The following ZZEF1 variants were observed in gnomAD, a reference collection of about 807,000 sequenced individuals.
The protein encoded by ZZEF1 is zinc finger ZZ-type and EF-hand domain-containing protein 1.
Under a neutral mutation model 342.8 loss-of-function variants are expected in ZZEF1, and 157 were observed. The ratio of observed to expected loss-of-function variants is 0.46; its 90% CI spans 0.40 to 0.52. The LOEUF is 0.52. Ranked by LOEUF, ZZEF1 falls within the 20% of genes least tolerant of loss-of-function variation. The pLI is 0.00. For synonymous variants in ZZEF1, 1,505 were observed against 1,429.1 expected (o/e 1.05, Z -1.20); for missense variants, 3,480 against 3,725.6 (o/e 0.93, Z 1.72).
chr17:4,139,475 C>T (rs1430858169), intron 1 of ZZEF1, among the ~76,000 whole-genome samples: 1 of 152,190 alleles, frequency 6.6e-6, no homozygotes, highest in Non-Finnish European at 1.5e-5. Context: ...CTTCACAAGC[C>T]CTTCATCTTG....
chr17:4,132,495 A>G (rs562572979), intron 1 of ZZEF1, among the ~76,000 whole-genome samples: 124 of 151,824 alleles, frequency 8.2e-4, no homozygotes, highest in South Asian at 5.8e-3. Flanking sequence ...TCAGGGCATC[A>G]AGACCATCCT....
At chr17:4,090,586 C>T (rs940369038) in intron 12 of ZZEF1, 133 bp downstream of exon 12, 1 of 686,212 alleles carries the variant, frequency 1.5e-6, no homozygotes, top group Admixed American at 2.2e-5. Context: ...CTGTCTCTCC[C>T]ACAGAGTATG....
chr17:4,092,003 G>C (rs1378492127), intron 11 of ZZEF1, among the ~76,000 whole-genome samples: 1 of 151,556 alleles, frequency 6.6e-6, no homozygotes, highest in East Asian at 1.9e-4. Flanking sequence ...TTGAACCCAG[G>C]AGGCGGAGGT....
At chr17:4,046,576 C>A (rs142414745) in intron 37 of ZZEF1, among the ~76,000 whole-genome samples, 40 of 152,282 alleles carry the variant, frequency 2.6e-4, no homozygotes, top group African/African-American at 7.0e-4. Context: ...GCATATGTAA[C>A]CTCAATATCA....
chr17:4,033,934 C>T, intron 40 of ZZEF1, 81 bp downstream of exon 40: 1 of 1,549,972 alleles, frequency 6.5e-7, no homozygotes, highest in Non-Finnish European at 8.8e-7. Flanking sequence ...AATTAATCAA[C>T]AGCCAGACCT....
chr17:4,030,527 C>T (rs1011376251), intron 42 of ZZEF1, among the ~76,000 whole-genome samples: 2 of 152,170 alleles, frequency 1.3e-5, no homozygotes, highest in Non-Finnish European at 2.9e-5. Context: ...ATCAAAATCC[C>T]AGAAGGCCAT....
At chr17:4,104,137 A>G (rs1214286335) in intron 8 of ZZEF1, among the ~76,000 whole-genome samples, 1 of 152,140 alleles carries the variant, frequency 6.6e-6, no homozygotes, top group Non-Finnish European at 1.5e-5. Context: ...TGCTAGGCCC[A>G]AGGGGGGAAA....
chr17:4,012,543 T>C (rs764101618), intron 52 of ZZEF1, among the ~76,000 whole-genome samples: 59 of 151,672 alleles, frequency 3.9e-4, no homozygotes, highest in Non-Finnish European at 7.2e-4. Context: ...GCAAGGAGGG[T>C]GGGGGCCAGG....
Position 4,008,466 on chromosome 17 carries a change from T to A in ZZEF1, c.8805+417A>T. The A allele has an allele frequency of 1.1e-6, 1 of 951,290 alleles. No homozygotes were observed. Among genetic ancestry groups the A allele is most frequent in the South Asian group, 4.7e-5 (1 of 21,406 alleles). The allele number at this position is 951,290 out of a possible 1,614,324, so 58.9% of individuals were successfully genotyped here. On this transcript the variant is annotated intron_variant, in intron 54 of 54. Coordinates refer to ENST00000381638, the MANE Select transcript of ZZEF1 (RefSeq NM_015113.4). This position sits in a 1 kb window ranked among gnomAD's most constrained non-coding sequence, Gnocchi z 4.2. ...TATGGATATATGCATAATAGACATATCCAAAAGCTTTCTGAGCTCCTCAGT... is the reference window on the plus strand; with the variant it reads ...TATGGATATATGCATAATAGACATAACCAAAAGCTTTCTGAGCTCCTCAGT...
chr17:4,011,217 C>CA (rs2055944741), intron 52 of ZZEF1, among the ~76,000 whole-genome samples: 1 of 151,902 alleles, frequency 6.6e-6, no homozygotes, highest in African/African-American at 2.4e-5. Context: ...TCCTGGGCAA[C>CA]ATGGCGAAAC....
chr17:4,106,918 G>GACAATAAAGCAAA (rs1352014086), intron 6 of ZZEF1, among the ~76,000 whole-genome samples: 2 of 152,124 alleles, frequency 1.3e-5, no homozygotes, highest in African/African-American at 2.4e-5. Context: ...TCAAAATAGA[G>GACAATAAAGCAAA]ACAATAAAGC....
intron 30 of ZZEF1, among the ~76,000 whole-genome samples, chr17:4,062,022 A>G (rs930907374): frequency 2.0e-5 from 3 of 152,192 alleles, no homozygotes; most frequent in Non-Finnish European, 4.4e-5. Flanking sequence ...CTTTACAGTG[A>G]TAAGGGTCCT....
At chr17:4,084,966 G>C (rs1420119331) in intron 16 of ZZEF1, among the ~76,000 whole-genome samples, 2 of 152,096 alleles carry the variant, frequency 1.3e-5, no homozygotes, top group African/African-American at 4.8e-5. Flanking sequence ...ACAAAAATTA[G>C]CCAGGCGTGG....
intron 28 of ZZEF1, among the ~76,000 whole-genome samples, chr17:4,066,111 G>GAGCT (rs1224334791): frequency 6.6e-6 from 1 of 152,170 alleles, no homozygotes; most frequent in Non-Finnish European, 1.5e-5. Flanking sequence ...AGGCTGCAGT[G>GAGCT]AGCTATATGA....
At chr17:4,061,871 T>C (rs2057293854) in intron 30 of ZZEF1, among the ~76,000 whole-genome samples, 1 of 152,108 alleles carries the variant, frequency 6.6e-6, no homozygotes, top group Admixed American at 6.6e-5. Context: ...TGCCACAGAC[T>C]CCTAACTGCT....
chr17:4,031,215 C>T (rs375769233), intron 42 of ZZEF1, among the ~76,000 whole-genome samples: 10 of 152,116 alleles, frequency 6.6e-5, no homozygotes, highest in African/African-American at 1.7e-4. Flanking sequence ...ACTTGGAAGG[C>T]TGAGGCAGAA....
In ZZEF1 at chr17:4,077,918, C is replaced by T; in HGVS notation, c.2954G>A (p.Gly985Glu). The T allele has an allele frequency of 6.2e-7, 1 of 1,614,130 alleles. No individual in the cohort carries two copies. Among genetic ancestry groups the T allele is most frequent in the Non-Finnish European group, 8.5e-7 (1 of 1,180,020 alleles). ...AAGGTCCACGGCAAGATCTTTGGCT[C>T]CAGAGTCCGTGCTCTTCAGCTGCAG... ...CYLQLKSTDS[G>E]AKDLAVDLIE... The change falls in exon 19 of 55, where the codon GGA becomes GAA. Residue 985 changes from glycine to glutamate, a missense_variant. By Grantham distance (98) the Gly-to-Glu change is moderately conservative (BLOSUM62 -2). This residue lies in a region of ZZEF1 where 1,528 missense variants were observed against 1,624.1 expected (regional missense o/e 0.94). Coordinates refer to ENST00000381638, the MANE Select transcript of ZZEF1 (RefSeq NM_015113.4).
chr17:4,080,239 A>C (rs1444930544), intron 18 of ZZEF1, among the ~76,000 whole-genome samples: 1 of 151,936 alleles, frequency 6.6e-6, no homozygotes, highest in Non-Finnish European at 1.5e-5. Context: ...TAAAAAAGGC[A>C]AATTTAAAAA....
At chr17:4,137,746 C>G (rs2058776220) in intron 1 of ZZEF1, among the ~76,000 whole-genome samples, 1 of 152,224 alleles carries the variant, frequency 6.6e-6, no homozygotes, top group Non-Finnish European at 1.5e-5. Context: ...GCCTCACAGC[C>G]TAGTTGCACA....
Sources: gnomAD v4.1 joint callset for allele counts (sites outside exome capture counted in the v4.1 genomes callset) on GRCh38, gnomAD v4.1.1 for gene constraint, gnomAD v4.1.1 regional missense constraint, Gnocchi (gnomAD v3.1) non-coding constraint, MANE v1.5 for transcripts, NCBI Gene and HGNC (gene_info 2026-07-23, HGNC 2026-07-21) for gene names.